The following FNBP1L variants were observed in gnomAD, a reference collection of about 807,000 sequenced individuals.
The protein encoded by FNBP1L is formin-binding protein 1-like.
FNBP1L carries 36 observed loss-of-function variants against 91.2 expected under a neutral mutation model. The observed-to-expected ratio is 0.39, with a 90% confidence interval of 0.30 to 0.52. The LOEUF (loss-of-function observed/expected upper bound fraction) is 0.52. Among genes scored for constraint, FNBP1L ranks in the 20% least tolerant of loss-of-function variants. The pLI, the probability that FNBP1L is intolerant of heterozygous loss-of-function variation, is 0.66. For synonymous variants in FNBP1L, 242 were observed against 237.0 expected (o/e 1.02, Z -0.19); for missense variants, 571 against 732.1 (o/e 0.78, Z 2.54).
intron 2 of FNBP1L, among the ~76,000 whole-genome samples, chr1:93,517,964 A>T (rs1455408204): frequency 1.3e-5 from 2 of 152,206 alleles, no homozygotes; most frequent in African/African-American, 4.8e-5. Context: ...CAGTTGTTGT[A>T]AGCATAAGAT....
At chr1:93,511,640 A>T (rs1030445030) in intron 2 of FNBP1L, among the ~76,000 whole-genome samples, 2 of 152,356 alleles carry the variant, frequency 1.3e-5, no homozygotes, top group South Asian at 4.1e-4. Flanking sequence ...TAAATGCTCC[A>T]ATTAAAAGAC....
intron 1 of FNBP1L, among the ~76,000 whole-genome samples, chr1:93,468,843 G>A (rs186332730): frequency 1.3e-5 from 2 of 152,206 alleles, no homozygotes; most frequent in Admixed American, 1.3e-4. Context: ...GGAACTCCCA[G>A]ACTATTTTGC....
rs190860157 is a variant in FNBP1L at position 93,465,661 on chromosome 1, C to T, written c.24+17356C>T. Among the ~76,000 whole-genome samples the T allele has an allele frequency of 3.6e-3, 545 of 152,304 alleles. 2 individuals carry two copies. Among genetic ancestry groups the T allele is most frequent in the South Asian group, 0.016 (78 of 4,830 alleles). Reference sequence around the variant, plus strand: ...CTATTGTGAATAGTGCCACAGTAAACATATGTGTACATATGTCTTTATAGT... The same window carrying T: ...CTATTGTGAATAGTGCCACAGTAAATATATGTGTACATATGTCTTTATAGT... On this transcript the variant is annotated intron_variant, in intron 1 of 16. Transcript: ENST00000271234.
At chr1:93,516,101 A>G (rs927770812) in intron 2 of FNBP1L, among the ~76,000 whole-genome samples, 5 of 152,166 alleles carry the variant, frequency 3.3e-5, no homozygotes, top group African/African-American at 1.2e-4. Context: ...TAATTGTACA[A>G]TATTATTGTA....
intron 1 of FNBP1L, among the ~76,000 whole-genome samples, chr1:93,475,210 A>G (rs1384910070): frequency 1.3e-5 from 2 of 152,128 alleles, no homozygotes; most frequent in African/African-American, 4.8e-5. Flanking sequence ...TTTAGAAACT[A>G]AAGATTCAAG....
At chr1:93,513,396 G>A (rs1317249057) in intron 2 of FNBP1L, among the ~76,000 whole-genome samples, 1 of 151,842 alleles carries the variant, frequency 6.6e-6, no homozygotes, top group East Asian at 1.9e-4. Flanking sequence ...AGAAAAAGAG[G>A]GAATCCTCCC....
At position 93,530,781 on chromosome 1, in the gene FNBP1L, GC is replaced by G; in HGVS notation, c.538del (p.His180IlefsTer27). 6.3e-7 allele frequency: 1 copy of G among 1,593,322 alleles called. No homozygotes were observed. The highest frequency in any genetic ancestry group is 8.6e-7 in the Non-Finnish European group (1 of 1,168,642). On this transcript the variant is annotated frameshift_variant, in exon 7 of 17. Transcript: ENST00000271234. LOFTEE classifies it high-confidence loss of function. The part of the protein sequence containing the change: ...KAKQQLNLRT[H>X]MADENKNEYA... ...CCAAACAGCAGTTGAATCTGCGTAC[GC>G]ATATGGCCGATGAAAATAAAAATGA...
chr1:93,540,703 A>C (rs919703249), intron 10 of FNBP1L, among the ~76,000 whole-genome samples: 2 of 152,138 alleles, frequency 1.3e-5, no homozygotes, highest in Non-Finnish European at 2.9e-5. Context: ...AATATTAGTA[A>C]TTTGAGAATA....
At position 93,486,835 on chromosome 1, in the gene FNBP1L, T is replaced by A. The variant is rs1428809087; in HGVS notation, c.25-12633T>A. On this transcript the variant is annotated intron_variant, in intron 1 of 16. Coordinates refer to ENST00000271234, the MANE Select transcript of FNBP1L (RefSeq NM_001164473.3). Reference sequence around the variant, plus strand: ...TCATTGCTCCAGCAATGAACACTGCTTCTACACTTAAGTGTTTTCTTTTCT... The same window carrying A: ...TCATTGCTCCAGCAATGAACACTGCATCTACACTTAAGTGTTTTCTTTTCT... Among the ~76,000 whole-genome samples the A allele has an allele frequency of 2.0e-5, 3 of 152,222 alleles. No individual in the cohort carries two copies. In the East Asian group the frequency reaches 5.8e-4, roughly 29 times the overall value.
Position 93,534,844 on chromosome 1 carries a change from T to TATC in FNBP1L, c.926_927insATC (p.Met309delinsIleSer). The stretch of plus-strand genomic sequence containing the variant: ...GCATCCAAACAGGAGAGTGGGAAGA[T>TATC]GGATGCCAAAACCACAGTAGGAAAG... On this transcript the variant is annotated protein_altering_variant, in exon 9 of 17. Coordinates refer to ENST00000271234, the MANE Select transcript of FNBP1L (RefSeq NM_001164473.3). The TATC allele has an allele frequency of 6.3e-7, 1 of 1,580,236 alleles. No individual in the cohort carries two copies. The highest frequency in any genetic ancestry group is 8.6e-7 in the Non-Finnish European group (1 of 1,161,848).
At chr1:93,552,221 A>C in intron 16 of FNBP1L, 188 bp from the exon 17 acceptor site, 1 of 1,377,728 alleles carries the variant, frequency 7.3e-7, no homozygotes, top group Non-Finnish European at 9.4e-7. Flanking sequence ...GGTGTGGGGA[A>C]GTAAAGTGTG....
At chr1:93,498,878 G>A (rs1051504098) in intron 1 of FNBP1L, among the ~76,000 whole-genome samples, 1 of 152,164 alleles carries the variant, frequency 6.6e-6, no homozygotes, top group Non-Finnish European at 1.5e-5. Context: ...AAACATTCAA[G>A]GAGCCTTGTT....
chr1:93,504,591 G>A (rs1159223905), intron 2 of FNBP1L, among the ~76,000 whole-genome samples: 2 of 152,044 alleles, frequency 1.3e-5, no homozygotes, highest in African/African-American at 4.8e-5. Flanking sequence ...CTTTTGTCCG[G>A]CTGAAAGATT....
At chr1:93,528,164 A>G (rs1671550520) in intron 5 of FNBP1L, among the ~76,000 whole-genome samples, 3 of 152,172 alleles carry the variant, frequency 2.0e-5, no homozygotes, top group Admixed American at 2.0e-4. Flanking sequence ...AAAAGGACAA[A>G]AATAACTCAA....
chr1:93,461,666 T>C (rs1668870549), intron 1 of FNBP1L, among the ~76,000 whole-genome samples: 1 of 152,130 alleles, frequency 6.6e-6, no homozygotes, highest in African/African-American at 2.4e-5. Flanking sequence ...CAGAGCTGGG[T>C]GCATTGTACC....
At chr1:93,532,895 CTT>C (rs1367163433) in intron 7 of FNBP1L, 25 bp from the exon 8 acceptor site, 2 of 1,557,020 alleles carry the variant, frequency 1.3e-6, no homozygotes, top group South Asian at 1.2e-5. Context: ...TCAGTTTTCT[CTT>C]TTTAAAAAAA....
intron 2 of FNBP1L, among the ~76,000 whole-genome samples, chr1:93,513,988 T>C (rs1179501987): frequency 1.3e-5 from 2 of 152,114 alleles, no homozygotes; most frequent in Admixed American, 6.5e-5. Context: ...TTGTCCCTGT[T>C]TGCAGACGAC....
At chr1:93,549,486 C>A in intron 15 of FNBP1L, 60 bp downstream of exon 15, 1 of 1,307,330 alleles carries the variant, frequency 7.6e-7, no homozygotes, top group Non-Finnish European at 1.0e-6. Flanking sequence ...GTATTTACAT[C>A]AAGTCACTCA....
At chr1:93,500,136 C>T (rs1670396977) in intron 2 of FNBP1L, among the ~76,000 whole-genome samples, 1 of 152,106 alleles carries the variant, frequency 6.6e-6, no homozygotes. Context: ...GGAACTTATT[C>T]AGTAAAAATG....
Sources: gnomAD v4.1 joint callset for allele counts (sites outside exome capture counted in the v4.1 genomes callset) on GRCh38, gnomAD v4.1.1 for gene constraint, MANE v1.5 for transcripts, NCBI Gene and HGNC (gene_info 2026-07-23, HGNC 2026-07-21) for gene names.